Variants in PCDH11X observed in about 807,000 individuals in gnomAD.
PCDH11X encodes the protein protocadherin 11 X-linked, also known as protocadherin-11 X-linked.
A neutral mutation model predicts 53.3 loss-of-function variants in PCDH11X; 18 were observed. That is an observed-to-expected ratio of 0.34 (90% confidence interval 0.23 to 0.50). The LOEUF is 0.50. Among genes scored for constraint, PCDH11X ranks in the 20% least tolerant of loss-of-function variants. The pLI is 0.98. For synonymous variants in PCDH11X, 279 were observed against 393.3 expected (o/e 0.71, Z 3.44); for missense variants, 570 against 1,032.4 (o/e 0.55, Z 6.14).
intron 5 of PCDH11X, among the ~76,000 whole-genome samples, chrX:91,837,307 AAAG>A (rs754609817): frequency 4.5e-5 from 5 of 112,107 alleles, no homozygotes; most frequent in Non-Finnish European, 9.4e-5. Flanking sequence ...AAGGATTTGG[AAAG>A]AAGGGAACTC....
At chrX:92,402,514 G>A (rs1426309312) in intron 9 of PCDH11X, among the ~76,000 whole-genome samples, 1 of 111,574 alleles carries the variant, frequency 9.0e-6, no homozygotes, top group Non-Finnish European at 1.9e-5. Flanking sequence ...TGACAAAGCT[G>A]AGAAAAAGAA....
chrX:92,147,855 T>TCTCTCTTTCTTTC, intron 6 of PCDH11X, among the ~76,000 whole-genome samples: 1 of 22,373 alleles, frequency 4.5e-5, no homozygotes, highest in African/African-American at 7.8e-5. Context: ...TTCTTTCTTT[T>TCTCTCTTTCTTTC]TTCTTTTCTC....
chrX:92,124,216 C>T, intron 6 of PCDH11X, among the ~76,000 whole-genome samples: 1 of 110,471 alleles, frequency 9.1e-6, no homozygotes, highest in Non-Finnish European at 1.9e-5. Context: ...ACTCAGGTGC[C>T]ACGGGAGCCA....
At chrX:92,364,419 A>G (rs1478894461) in intron 8 of PCDH11X, among the ~76,000 whole-genome samples, 2 of 111,249 alleles carry the variant, frequency 1.8e-5, no homozygotes, top group Non-Finnish European at 3.8e-5. Flanking sequence ...TAGCGTAAAA[A>G]TAGTACAAAA....
At chrX:92,525,007 G>T (rs905640024) in intron 10 of PCDH11X, among the ~76,000 whole-genome samples, 18 of 111,451 alleles carry the variant, frequency 1.6e-4, no homozygotes, top group Admixed American at 9.5e-5. Context: ...ATAAAACAGT[G>T]CCAGAAAGGA....
At chrX:92,500,719 A>G (rs1603349362) in intron 10 of PCDH11X, among the ~76,000 whole-genome samples, 1 of 104,596 alleles carries the variant, frequency 9.6e-6, no homozygotes, top group East Asian at 3.0e-4. Flanking sequence ...GATGCAGCTA[A>G]AGCAGTGTTA....
Position 92,427,941 on chromosome X carries a change from T to C in PCDH11X, c.3343+40008T>C, listed in dbSNP as rs1245501664. 4.0e-5 allele frequency among the ~76,000 whole-genome samples: 3 copies of C among 75,944 alleles called. No individual in the cohort carries two copies. The Admixed American group carries it at 4.9e-4, about 12-fold the overall frequency. The allele number at this position is 75,944 out of a possible 115,157, so 65.9% of individuals were successfully genotyped here. ...AATCCAATTCTTTTAATAATTGTAATAGAATTGATTGAGCTTGCTATTAGA... is the reference window on the plus strand; with the variant it reads ...AATCCAATTCTTTTAATAATTGTAACAGAATTGATTGAGCTTGCTATTAGA... On this transcript the variant is annotated intron_variant, in intron 9 of 10. Transcript: ENST00000682573.
intron 6 of PCDH11X, among the ~76,000 whole-genome samples, chrX:92,186,815 A>G (rs1430338098): frequency 9.0e-6 from 1 of 110,744 alleles, no homozygotes; most frequent in African/African-American, 3.3e-5. Flanking sequence ...AAGAGCTAAA[A>G]GAGAGAGTTT....
At chrX:91,857,256 A>T (rs1347399235) in intron 5 of PCDH11X, among the ~76,000 whole-genome samples, 2 of 110,797 alleles carry the variant, frequency 1.8e-5, no homozygotes, top group Non-Finnish European at 3.8e-5. Flanking sequence ...CAAGAACAGC[A>T]CAGGAAAGAA....
chrX:92,313,030 G>C (rs1431008482), intron 8 of PCDH11X, among the ~76,000 whole-genome samples: 1 of 111,444 alleles, frequency 9.0e-6, no homozygotes, highest in Non-Finnish European at 1.9e-5. Flanking sequence ...TTAATGGCTA[G>C]ATTATTATGT....
At chrX:91,876,720 A>G (rs1299513146) in intron 5 of PCDH11X, 61 bp from the exon 6 acceptor site, 1 of 949,954 alleles carries the variant, frequency 1.1e-6, no homozygotes. Flanking sequence ...TATTCATATT[A>G]ATATTAATAT....
At chrX:91,981,103 AAT>A (rs1170773323) in intron 6 of PCDH11X, among the ~76,000 whole-genome samples, 411 of 101,867 alleles carry the variant, frequency 4.0e-3, no homozygotes, top group African/African-American at 5.6e-3. Flanking sequence ...TGAATATATA[AAT>A]ATATATATAT....
At chrX:92,406,153 C>T (rs2071509422) in intron 9 of PCDH11X, among the ~76,000 whole-genome samples, 1 of 105,047 alleles carries the variant, frequency 9.5e-6, no homozygotes, top group Non-Finnish European at 1.9e-5. Flanking sequence ...AATTTGTATA[C>T]CAACATTTAT....
Position 92,465,933 on chromosome X carries a change from G to A in PCDH11X, c.3344-2366G>A, listed in dbSNP as rs371870674. On this transcript the variant is annotated intron_variant, in intron 9 of 10. Coordinates refer to ENST00000682573, the MANE Select transcript of PCDH11X (RefSeq NM_032968.5). Reference sequence around the variant, plus strand: ...TGTTAAAAACTCAATTATACTCAAAGTAAGAATTTATGCAAACATAATTTT... The same window carrying A: ...TGTTAAAAACTCAATTATACTCAAAATAAGAATTTATGCAAACATAATTTT... Among the ~76,000 whole-genome samples, 15 of 110,837 alleles carry A rather than the reference G, an allele frequency of 1.4e-4. No homozygotes were observed. In the South Asian group the frequency reaches 5.2e-3, roughly 39 times the overall value.
chrX:91,973,669 C>T (rs1487148386), intron 6 of PCDH11X, among the ~76,000 whole-genome samples: 1 of 97,729 alleles, frequency 1.0e-5, no homozygotes, highest in Non-Finnish European at 2.0e-5. Context: ...GGCTGGAGTG[C>T]AGTGGCAGGA....
At chrX:92,074,672 G>A (rs2063749214) in intron 6 of PCDH11X, among the ~76,000 whole-genome samples, 1 of 111,685 alleles carries the variant, frequency 9.0e-6, no homozygotes, top group South Asian at 3.6e-4. Flanking sequence ...AGAAATCAGA[G>A]ATGGAAACAA....
At chrX:92,527,085 C>G (rs34659012) in intron 10 of PCDH11X, among the ~76,000 whole-genome samples, 21 of 110,929 alleles carry the variant, frequency 1.9e-4, no homozygotes, top group African/African-American at 2.9e-4. Flanking sequence ...AACTCAGGAA[C>G]GTAGAAAGTT....
intron 7 of PCDH11X, among the ~76,000 whole-genome samples, chrX:92,205,790 G>C (rs931757930): frequency 9.1e-6 from 1 of 109,743 alleles, no homozygotes; most frequent in Admixed American, 9.8e-5. Context: ...TAGTAGCGAC[G>C]GTGTTTCACC....
chrX:91,827,664 A>T (rs936153818), intron 4 of PCDH11X, among the ~76,000 whole-genome samples: 1 of 110,426 alleles, frequency 9.1e-6, no homozygotes, highest in Non-Finnish European at 1.9e-5. Context: ...AATTGTCTGC[A>T]CATGGCTACC....
Sources: gnomAD v4.1 joint callset for allele counts (sites outside exome capture counted in the v4.1 genomes callset) on GRCh38, gnomAD v4.1.1 for gene constraint, MANE v1.5 for transcripts, NCBI Gene and HGNC (gene_info 2026-07-23, HGNC 2026-07-21) for gene names.